WDHD1: variants seen among roughly 807,000 people sequenced by gnomAD.
The protein encoded by WDHD1 is WD repeat and HMG-box DNA binding protein 1.
A neutral mutation model predicts 135.4 loss-of-function variants in WDHD1; 111 were observed. The ratio of observed to expected loss-of-function variants is 0.82; its 90% CI spans 0.70 to 0.96. The LOEUF (loss-of-function observed/expected upper bound fraction) is 0.96. Among genes scored for constraint, WDHD1 ranks in the 40% least tolerant of loss-of-function variants. The probability of loss-of-function intolerance (pLI) is 0.00; values close to 1 mark genes in which losing one functional copy is unlikely to be tolerated. For synonymous variants in WDHD1, 434 were observed against 439.0 expected, an observed-to-expected ratio of 0.99 and a Z score of 0.14; for missense variants, 1,351 against 1,336.3, an observed-to-expected ratio of 1.01 and a Z score of -0.17.
At chr14:55,024,596 AAAG>A (rs1219209119) in intron 2 of WDHD1, among the ~76,000 whole-genome samples, 2 of 152,072 alleles carry the variant, frequency 1.3e-5, no homozygotes, top group Non-Finnish European at 2.9e-5. Flanking sequence ...GTCTGTGTAG[AAAG>A]AAGTAGACAT....
At position 54,989,091 on chromosome 14, in the gene WDHD1, G is replaced by A. The variant is rs1433199202; in HGVS notation, c.1463C>T (p.Thr488Ile). 2 of 1,613,720 alleles carry A rather than the reference G, an allele frequency of 1.2e-6. No homozygotes were observed. The highest frequency in any genetic ancestry group is 1.7e-5 in the Admixed American group (1 of 59,990). ...AGCTTCGTGGGAAAGATCTGCTATT[G>A]TATAATTCAAAGTGTTTGATAAGTG... ...ATHLSNTLNY[T>I]IADLSHEAIL... The change falls in exon 13 of 26, where the codon ACA (threonine) becomes ATA (isoleucine). Residue 488 changes from threonine (T) to isoleucine (I), a missense_variant. Coordinates refer to ENST00000360586, the MANE Select transcript of WDHD1 (RefSeq NM_007086.4).
chr14:55,000,635 AT>A lies in WDHD1; in HGVS notation c.809del (p.His270LeufsTer28). ...GACCACAAATTGCATAACCTTTCTC[AT>A]GTTTCACCCTAAAAATTAAAAAGTA... ...ETKDCMERVK[H>X]EKGYAICGLA... On this transcript the variant is annotated frameshift_variant, in exon 10 of 26. Coordinates refer to ENST00000360586, the MANE Select transcript of WDHD1 (RefSeq NM_007086.4). LOFTEE classifies it high-confidence loss of function. 1.3e-6 allele frequency: 2 copies of A among 1,556,290 alleles called. No individual in the cohort carries two copies. The highest frequency in any genetic ancestry group is 1.7e-6 in the Non-Finnish European group (2 of 1,151,130).
chr14:55,018,546 T>G lies in WDHD1; in HGVS notation c.78-4950A>C, dbSNP rs2042295171. 3.9e-5 allele frequency among the ~76,000 whole-genome samples: 6 copies of G among 152,176 alleles called. No individual in the cohort carries two copies. In the South Asian group the frequency reaches 1.0e-3, roughly 26 times the overall value. On this transcript the variant is annotated intron_variant, in intron 2 of 25. Coordinates refer to ENST00000360586, the MANE Select transcript of WDHD1 (RefSeq NM_007086.4). ...ACATCCAAAAGAATCATAGACAACT[T>G]GATGAATTTTGTCCTTAAAAACAGT...
At chr14:54,966,110 C>T (rs2041336695) in intron 18 of WDHD1, among the ~76,000 whole-genome samples, 1 of 140,618 alleles carries the variant, frequency 7.1e-6, no homozygotes, top group Non-Finnish European at 1.5e-5. Context: ...GGGCGGATCA[C>T]GAGGTCAGGA....
At chr14:55,023,455 A>C (rs919424992) in intron 2 of WDHD1, among the ~76,000 whole-genome samples, 1 of 152,248 alleles carries the variant, frequency 6.6e-6, no homozygotes, top group Non-Finnish European at 1.5e-5. Flanking sequence ...AGCAACCGCA[A>C]CTGCAGACCT....
chr14:54,974,570 A>G (rs1446335915), intron 16 of WDHD1, among the ~76,000 whole-genome samples: 1 of 151,732 alleles, frequency 6.6e-6, no homozygotes, highest in African/African-American at 2.4e-5. Flanking sequence ...CACTCCTGTA[A>G]TATCCCAGCA....
At chr14:54,986,751 C>T (rs8019220) in intron 14 of WDHD1, among the ~76,000 whole-genome samples, 64,232 of 151,842 alleles carry the variant, frequency 0.42, 15,281 homozygotes, top group African/African-American at 0.65. Context: ...AGCATAGTGA[C>T]GGGGACTGAA....
chr14:54,942,123 C>T (rs892142605), intron 25 of WDHD1, among the ~76,000 whole-genome samples: 1 of 151,802 alleles, frequency 6.6e-6, no homozygotes, highest in Admixed American at 6.6e-5. Context: ...TGGTAGCGGG[C>T]GCCTGTAGTC....
intron 10 of WDHD1, among the ~76,000 whole-genome samples, chr14:54,997,874 G>A (rs2041911444): frequency 1.4e-5 from 2 of 145,468 alleles, no homozygotes; most frequent in East Asian, 4.1e-4. Flanking sequence ...TCGCGCCATT[G>A]CACTCCAGCT....
At chr14:54,997,709 G>A (rs1428688499) in intron 10 of WDHD1, among the ~76,000 whole-genome samples, 2 of 151,094 alleles carry the variant, frequency 1.3e-5, no homozygotes, top group African/African-American at 2.4e-5. Context: ...TCAGGAGATC[G>A]AGACCATCCT....
chr14:54,978,532 C>T (rs2041563641), intron 16 of WDHD1, among the ~76,000 whole-genome samples: 2 of 151,802 alleles, frequency 1.3e-5, no homozygotes, highest in African/African-American at 4.8e-5. Flanking sequence ...CTGCAGTGAG[C>T]TATGACTGCA....
chr14:55,026,385 A>G (rs1413588111), intron 2 of WDHD1, among the ~76,000 whole-genome samples: 1 of 152,234 alleles, frequency 6.6e-6, no homozygotes, highest in Non-Finnish European at 1.5e-5. Context: ...CATTCCAAAC[A>G]GAACAGGCCA....
At chr14:54,948,629 T>C (rs1185339992) in intron 24 of WDHD1, among the ~76,000 whole-genome samples, 1 of 152,212 alleles carries the variant, frequency 6.6e-6, no homozygotes, top group African/African-American at 2.4e-5. Context: ...AATGTCCCTG[T>C]CTGACAGCTT....
At chr14:55,006,416 G>C (rs1008369591) in intron 7 of WDHD1, among the ~76,000 whole-genome samples, 4 of 151,790 alleles carry the variant, frequency 2.6e-5, no homozygotes, top group Non-Finnish European at 5.9e-5. Flanking sequence ...TTTCTAAATG[G>C]CTATTGTTTG....
chr14:54,969,927 C>G (rs2041404614), intron 16 of WDHD1, among the ~76,000 whole-genome samples: 1 of 152,110 alleles, frequency 6.6e-6, no homozygotes. Context: ...TTCACTGCAT[C>G]AACAGAATTA....
chr14:54,970,522 T>C (rs1414807342), intron 16 of WDHD1, among the ~76,000 whole-genome samples: 1 of 149,694 alleles, frequency 6.7e-6, no homozygotes, highest in Admixed American at 6.7e-5. Flanking sequence ...CACAAACAAA[T>C]GGAAACACAT....
chr14:55,026,210 C>G (rs1405597929), intron 2 of WDHD1, among the ~76,000 whole-genome samples: 1 of 151,804 alleles, frequency 6.6e-6, no homozygotes, highest in Non-Finnish European at 1.5e-5. Flanking sequence ...TGCAATCGAG[C>G]AGTAGTGCGT....
At chr14:55,005,330 T>C (rs2042047758) in intron 7 of WDHD1, 2 of 557,088 alleles carry the variant, frequency 3.6e-6, no homozygotes, top group East Asian at 4.6e-5. Context: ...CATAAGAAGC[T>C]GTGGCTCCTA....
chr14:54,995,420 C>T (rs1461863141), intron 11 of WDHD1, among the ~76,000 whole-genome samples, 183 bp downstream of exon 11: 1 of 152,056 alleles, frequency 6.6e-6, no homozygotes, highest in Admixed American at 6.6e-5. Context: ...TCTAGTCTGC[C>T]ATAGCAGAAG....
Sources: allele counts gnomAD v4.1 joint callset (sites outside exome capture counted in the v4.1 genomes callset), GRCh38; gene constraint gnomAD v4.1.1; transcripts MANE v1.5; gene names NCBI Gene and HGNC (gene_info 2026-07-23, HGNC 2026-07-21).